The following CD163 variants were observed in gnomAD, a reference collection of about 807,000 sequenced individuals.
The protein encoded by CD163 is CD163 molecule.
In CD163, 64 loss-of-function variants were observed where a neutral mutation model predicts 129.2. The ratio of observed to expected loss-of-function variants is 0.50; its 90% CI spans 0.41 to 0.61. CD163 has a LOEUF of 0.61. CD163 is among the 20% of genes least tolerant of loss of function. The probability of loss-of-function intolerance (pLI) is 0.00; values close to 1 mark genes in which losing one functional copy is unlikely to be tolerated. For synonymous variants in CD163, 446 were observed against 478.5 expected (o/e 0.93, Z 0.89); for missense variants, 1,061 against 1,377.9 (o/e 0.77, Z 3.64).
At chr12:7,478,262 A>G (rs1949115155) in intron 16 of CD163, among the ~76,000 whole-genome samples, 1 of 152,136 alleles carries the variant, frequency 6.6e-6, no homozygotes, top group Non-Finnish European at 1.5e-5. Context: ...ATAATTTTTA[A>G]TAGAAACTGC....
At chr12:7,483,830 TATATATATATA>T (rs1949200920) in intron 11 of CD163, 155 bp from the exon 12 acceptor site, 1 of 43,130 alleles carries the variant, frequency 2.3e-5, no homozygotes, top group South Asian at 1.7e-3. Flanking sequence ...TATATGTATA[TATATATATATA>T]TTTTTTTTTT....
At chr12:7,478,210 G>C (rs1949114530) in intron 16 of CD163, among the ~76,000 whole-genome samples, 2 of 152,008 alleles carry the variant, frequency 1.3e-5, no homozygotes, top group African/African-American at 4.8e-5. Flanking sequence ...GAAATTCTCA[G>C]GGATAGAATT....
chr12:7,501,296 G>T lies in CD163; in HGVS notation c.300C>A (p.Ala100=). The T allele has an allele frequency of 6.2e-7, 1 of 1,614,076 alleles. No individual in the cohort carries two copies. The highest frequency in any genetic ancestry group is 8.5e-7 in the Non-Finnish European group (1 of 1,180,002). The change falls in exon 3 of 17, where the codon GCC becomes GCA. Residue 100 remains alanine (A), a synonymous_variant. Coordinates refer to ENST00000432237, the MANE Select transcript of CD163 (RefSeq NM_203416.4). ...CTGCACTGGAATTAGCCCATCCAGG[G>T]GCTTTGATAGCAGTTGGACATCCCA... ...NQLGCPTAIK[A]PGWANSSAGS... is the part of the protein sequence containing the mutation.
intron 14 of CD163, among the ~76,000 whole-genome samples, chr12:7,481,770 A>T (rs1245596717): frequency 1.3e-5 from 2 of 152,126 alleles, no homozygotes; most frequent in Non-Finnish European, 2.9e-5. Context: ...AGAACTTCAT[A>T]ATTTGTGCCT....
At position 7,481,412 on chromosome 12, in the gene CD163, G is replaced by A. The variant is rs144026141; in HGVS notation, c.3248-156C>T. Among the ~76,000 whole-genome samples, 357 of 151,896 alleles carry A rather than the reference G, an allele frequency of 2.4e-3. 1 individual carries two copies. Among genetic ancestry groups the A allele is most frequent in the African/African-American group, 7.7e-3 (317 of 41,406 alleles). On this transcript the variant is annotated intron_variant, in intron 14 of 16. Coordinates refer to ENST00000432237, the MANE Select transcript of CD163 (RefSeq NM_203416.4). ...TACCAAGCTCTTCCCTTACAATTCCGCACACTCAAATGAAATAGGCACAAG... is the reference window on the plus strand; with the variant it reads ...TACCAAGCTCTTCCCTTACAATTCCACACACTCAAATGAAATAGGCACAAG...
chr12:7,488,678 A>T (rs1032686928), intron 6 of CD163, among the ~76,000 whole-genome samples: 2 of 152,116 alleles, frequency 1.3e-5, no homozygotes, highest in African/African-American at 2.4e-5. Flanking sequence ...TAACCTTCTC[A>T]TCTGCTCAAT....
chr12:7,480,265 C>A, intron 15 of CD163: 1 of 310,720 alleles, frequency 3.2e-6, no homozygotes. Flanking sequence ...GGTCAGGGAC[C>A]CTTCATGGAG....
chr12:7,479,796 G>A (rs1044962920), intron 16 of CD163, 64 bp downstream of exon 16: 1 of 1,532,186 alleles, frequency 6.5e-7, no homozygotes. Flanking sequence ...TGCCAGAAGA[G>A]CTCTCAGTCC....
At position 7,481,246 on chromosome 12, in the gene CD163, T is replaced by A; in HGVS notation, c.3258A>T (p.Arg1086Ser). The change falls in exon 15 of 17, where the codon AGA (arginine) becomes AGT (serine). Residue 1086 changes from arginine to serine, a missense_variant. Arg to Ser is a moderately radical substitution (Grantham distance 110). Coordinates refer to ENST00000432237, the MANE Select transcript of CD163 (RefSeq NM_203416.4). The stretch of plus-strand genomic sequence containing the variant: ...GAATTTGGTGGACTAAGTTCTCTCC[T>A]CTTGAGGAAACTGAAAACAGAGATC... ...RQRQRLAVSS[R>S]GENLVHQIQY... The A allele has an allele frequency of 2.5e-6, 4 of 1,613,350 alleles. No homozygotes were observed. The highest frequency in any genetic ancestry group is 3.4e-6 in the Non-Finnish European group (4 of 1,179,410).
rs12302889 is a variant in CD163 at position 7,475,858 on chromosome 12, C to T, written c.*31+4002G>A. Among the ~76,000 whole-genome samples, 939 of 152,258 alleles carry T rather than the reference C, an allele frequency of 6.2e-3. 12 individuals carry two copies. The highest frequency in any genetic ancestry group is 0.02 in the African/African-American group (844 of 41,544). On this transcript the variant is annotated intron_variant, in intron 16 of 16. Coordinates refer to ENST00000432237, the MANE Select transcript of CD163 (RefSeq NM_203416.4). ...AAACCCCATTGTCTCAGCCGAAAAA[C>T]TCCTTAAGCAGATAAGCAACTTCAG...
intron 16 of CD163, among the ~76,000 whole-genome samples, chr12:7,471,661 G>A (rs992689774): frequency 3.3e-5 from 5 of 150,476 alleles, no homozygotes; most frequent in African/African-American, 9.7e-5. Flanking sequence ...CTCCCAGTGA[G>A]ACCAACGCAG....
rs746113940 is a variant in CD163, at chr12:7,498,930, T to C, written c.716A>G (p.Lys239Arg). 1.9e-6 allele frequency: 3 copies of C among 1,614,148 alleles called. No individual in the cohort carries two copies. The highest frequency in any genetic ancestry group is 2.2e-5 in the South Asian group (2 of 91,084). ...NGNESALWNC[K>R]HQGWGKHNCD... ...GTTATGCTTTCCCCATCCTTGATGT[T>C]TGCAGTTCCAGAGAGCTGACTCATT... Residue 239 changes from lysine to arginine, a missense_variant, in exon 4 of 17, where the codon AAA becomes AGA. Coordinates refer to ENST00000432237, the MANE Select transcript of CD163 (RefSeq NM_203416.4).
rs368356691 is a variant in CD163, at chr12:7,495,105, C to T, written c.1396G>A (p.Glu466Lys). 6.2e-7 allele frequency: 1 copy of T among 1,614,080 alleles called. No homozygotes were observed. Among genetic ancestry groups the T allele is most frequent in the Non-Finnish European group, 8.5e-7 (1 of 1,179,936 alleles). ...CCTGAGCAGGTAATTTTGGCTTCTT[C>T]ATAGTGATCACAGGTAAGTCCACCC... ...QWGGLTCDHY[E>K]EAKITCSAHR... is the part of the protein sequence containing the mutation. The change falls in exon 6 of 17, where the codon GAA (glutamate) becomes AAA (lysine). Residue 466 changes from glutamate to lysine, a missense_variant. Transcript: ENST00000432237.
At position 7,496,824 on chromosome 12, in the gene CD163, A is replaced by C; in HGVS notation, c.1088T>G (p.Val363Gly). The C allele has an allele frequency of 6.2e-7, 1 of 1,613,986 alleles. No individual in the cohort carries two copies. The highest frequency in any genetic ancestry group is 8.5e-7 in the Non-Finnish European group (1 of 1,179,916). ...TGGTTTTAACTTACCAGAACATGTC[A>C]CGCCAGCATCTTCATTGTGATTGCA... is the stretch of plus-strand genomic sequence containing the variant. Reference protein sequence around the residue: ...HYCNHNEDAGVTCSDGSDLEL... With the variant: ...HYCNHNEDAGGTCSDGSDLEL... Residue 363 changes from valine to glycine, a missense_variant, in exon 5 of 17, where the codon GTG becomes GGG. Physicochemically the swap from Val to Gly is moderately radical, Grantham distance 109. Transcript: ENST00000432237. The surrounding 1 kb of genome is among the most constrained non-coding windows in gnomAD (Gnocchi z 4.8).
In CD163 at chr12:7,496,888, T is replaced by G. The variant is rs4883263; in HGVS notation, c.1024A>C (p.Ile342Leu). Residue 342 changes from isoleucine to leucine, a missense_variant, in exon 5 of 17, where the codon ATC (isoleucine) becomes CTC (leucine). Transcript: ENST00000432237. This position sits in a 1 kb window ranked among gnomAD's most constrained non-coding sequence, Gnocchi z 4.8. Reference sequence around the variant, plus strand: ...CATTCATGGTGTTTACATTGCCAGATAGCAGGTTCATGTCCCTGGCAAGAA... The same window carrying G: ...CATTCATGGTGTTTACATTGCCAGAGAGCAGGTTCATGTCCCTGGCAAGAA... ...SVSCQGHEPA[I>L]WQCKHHEWGK... The G allele has an allele frequency of 3.1e-6, 5 of 1,613,958 alleles. No individual in the cohort carries two copies. In the South Asian group the frequency reaches 4.4e-5, roughly 14 times the overall value.
At position 7,483,465 on chromosome 12, in the gene CD163, T is replaced by C. The variant is rs1949192148; in HGVS notation, c.2990A>G (p.Lys997Arg). ...CAAGGAAGACTCATTCCCTTTGCAC[T>C]TCACTTCATTGAGCCATATCGGTCC... ...GTGPIWLNEV[K>R]CKGNESSLWD... Residue 997 changes from lysine (K) to arginine (R), a missense_variant, in exon 12 of 17, where the codon AAG (lysine) becomes AGG (arginine). Transcript: ENST00000432237. 6.2e-7 allele frequency: 1 copy of C among 1,614,018 alleles called. No individual in the cohort carries two copies. Among genetic ancestry groups the C allele is most frequent in the Non-Finnish European group, 8.5e-7 (1 of 1,180,004 alleles).
At chr12:7,498,382 G>A (rs1195839521) in intron 4 of CD163, among the ~76,000 whole-genome samples, 1 of 152,042 alleles carries the variant, frequency 6.6e-6, no homozygotes, top group African/African-American at 2.4e-5. Context: ...TATAAATAAA[G>A]TTTTAATGAG....
At position 7,471,212 on chromosome 12, in the gene CD163, A is replaced by C. The variant is rs915181019; in HGVS notation, c.*217T>G. 1.7e-4 allele frequency: 26 copies of C among 152,464 alleles called. No individual in the cohort carries two copies. The highest frequency in any genetic ancestry group is 4.6e-4 in the African/African-American group (19 of 41,562). The allele number at this position is 152,464 out of a possible 1,614,324, so 9.4% of individuals were successfully genotyped here. On this transcript the variant is annotated 3_prime_UTR_variant, in exon 17 of 17. Coordinates refer to ENST00000432237, the MANE Select transcript of CD163 (RefSeq NM_203416.4). ...CTTATTTATTTATTTAATTCCCTTG[A>C]AAGTCTCATATACACCACTAAGTAG...
Position 7,496,907 on chromosome 12 carries a change from G to C in CD163, c.1005C>G (p.Cys335Trp), listed in dbSNP as rs763263980. ...GCCAGATAGCAGGTTCATGTCCCTG[G>C]CAAGAAACGCTGTCAAGCCAGATGT... ...FGHIWLDSVSCQGHEPAIWQC... is the reference protein window; with the variant it reads ...FGHIWLDSVSWQGHEPAIWQC... The change falls in exon 5 of 17, where the codon TGC becomes TGG. Residue 335 changes from cysteine (C) to tryptophan (W), a missense_variant. Coordinates refer to ENST00000432237, the MANE Select transcript of CD163 (RefSeq NM_203416.4). The surrounding 1 kb of genome is among the most constrained non-coding windows in gnomAD (Gnocchi z 4.8). The C allele has an allele frequency of 1.2e-6, 2 of 1,614,008 alleles. No individual in the cohort carries two copies. The highest frequency in any genetic ancestry group is 1.1e-5 in the South Asian group (1 of 91,080).
Sources: allele counts gnomAD v4.1 joint callset (sites outside exome capture counted in the v4.1 genomes callset), GRCh38; gene constraint gnomAD v4.1.1; non-coding constraint Gnocchi (gnomAD v3.1); transcripts MANE v1.5; gene names NCBI Gene and HGNC (gene_info 2026-07-23, HGNC 2026-07-21).